CDH23: variants seen among roughly 807,000 people sequenced by gnomAD.
CDH23 encodes the protein cadherin related 23, also known as cadherin-23.
CDH23 carries 189 observed loss-of-function variants against 317.1 expected under a neutral mutation model. That is an observed-to-expected ratio of 0.60 (90% CI 0.53 to 0.67). The LOEUF (loss-of-function observed/expected upper bound fraction) is 0.67. Among genes scored for constraint, CDH23 ranks in the 30% least tolerant of loss-of-function variants. The pLI is 0.00. For missense variants in CDH23, 4,401 were observed against 4,592.4 expected (o/e 0.96, Z 1.20); for synonymous variants, 1,839 against 1,876.8 (o/e 0.98, Z 0.52).
At chr10:71,470,453 C>T (rs1851452936) in intron 3 of CDH23, among the ~76,000 whole-genome samples, 1 of 152,046 alleles carries the variant, frequency 6.6e-6, no homozygotes, top group African/African-American at 2.4e-5. Flanking sequence ...CTCCCTTCCT[C>T]CTACCCCCTA....
At chr10:71,611,835 A>G (rs766414589) in intron 9 of CDH23, among the ~76,000 whole-genome samples, 3 of 152,218 alleles carry the variant, frequency 2.0e-5, no homozygotes, top group African/African-American at 4.8e-5. Flanking sequence ...GACAATTCAT[A>G]TGAGACTGAA....
In CDH23 at chr10:71,707,302, A is replaced by T. The variant is rs963428174; in HGVS notation, c.3106+253A>T. The T allele has an allele frequency of 9.1e-6, 13 of 1,430,596 alleles. No homozygotes were observed. The African/African-American group carries it at 1.9e-4, about 21-fold the overall frequency. The allele number at this position is 1,430,596 out of a possible 1,614,324, so 88.6% of individuals were successfully genotyped here. On this transcript the variant is annotated intron_variant, in intron 26 of 69. Transcript: ENST00000224721. ...CCTGTTGGTTGCAGGGACGGGGAGC[A>T]TCTACCAAGGTTCATTCTAGAGGGA...
In CDH23 at chr10:71,715,974, G is replaced by C. The variant is rs1469740034; in HGVS notation, c.3369+3161G>C. On this transcript the variant is annotated intron_variant, in intron 28 of 69. Coordinates refer to ENST00000224721, the MANE Select transcript of CDH23 (RefSeq NM_022124.6). Reference sequence around the variant, plus strand: ...GATTCCATGTAGTCACAGTGGCTGCGGTTGTCCTCGGGGCCCGGCAGGGGC... The same window carrying C: ...GATTCCATGTAGTCACAGTGGCTGCCGTTGTCCTCGGGGCCCGGCAGGGGC... 19 of 1,488,468 alleles carry C rather than the reference G, an allele frequency of 1.3e-5. No individual in the cohort carries two copies. The East Asian group carries it at 4.7e-4, about 37-fold the overall frequency. The allele number at this position is 1,488,468 out of a possible 1,614,324, so 92.2% of individuals were successfully genotyped here. A position where few individuals can be genotyped will look rare whatever the true frequency, so the allele number is the denominator to read the frequency against.
At position 71,460,542 on chromosome 10, in the gene CDH23, G is replaced by A. The variant is rs576511543; in HGVS notation, c.145+14147G>A. 3.3e-5 allele frequency among the ~76,000 whole-genome samples: 5 copies of A among 152,370 alleles called. 1 individual carries two copies. Among genetic ancestry groups the A allele is most frequent in the Admixed American group, 6.5e-5 (1 of 15,310 alleles). On this transcript the variant is annotated intron_variant, in intron 3 of 69. Coordinates refer to ENST00000224721, the MANE Select transcript of CDH23 (RefSeq NM_022124.6). ...TATTGAGTGTTGAACCTGCTTTGCCGCATCGGCTGCTTTATGAGCTCTCTG... is the reference window on the plus strand; with the variant it reads ...TATTGAGTGTTGAACCTGCTTTGCCACATCGGCTGCTTTATGAGCTCTCTG...
At chr10:71,736,741 G>T (rs1023452010) in intron 34 of CDH23, among the ~76,000 whole-genome samples, 27 of 152,182 alleles carry the variant, frequency 1.8e-4, no homozygotes, top group African/African-American at 6.5e-4. Flanking sequence ...CACTAGGCTG[G>T]GTTCAGGTTA....
chr10:71,457,444 C>T lies in CDH23; in HGVS notation c.145+11049C>T, dbSNP rs144308357. On this transcript the variant is annotated intron_variant, in intron 3 of 69. Transcript: ENST00000224721. ...CAGTAGAGTCAGGATTTGAATTCCA[C>T]GTATTCAATCTCCAATGACCACACT... 4.7e-3 allele frequency among the ~76,000 whole-genome samples: 723 copies of T among 152,274 alleles called. 5 individuals are homozygous for T. The highest frequency in any genetic ancestry group is 0.017 in the African/African-American group (687 of 41,544).
At chr10:71,730,436 C>G in intron 30 of CDH23, 33 bp from the exon 31 acceptor site, 3 of 1,610,254 alleles carry the variant, frequency 1.9e-6, no homozygotes, top group Non-Finnish European at 2.5e-6. Flanking sequence ...TCCACCCCAC[C>G]CTGACCTTGC....
intron 25 of CDH23, among the ~76,000 whole-genome samples, chr10:71,706,378 C>T (rs1865788981): frequency 6.6e-6 from 1 of 152,208 alleles, no homozygotes; most frequent in Non-Finnish European, 1.5e-5. Context: ...CACTGTGCCA[C>T]TGTGTGACTT....
intron 66 of CDH23, 177 bp from the exon 67 acceptor site, chr10:71,812,303 G>T (rs1841959040): frequency 1.3e-6 from 2 of 1,598,596 alleles, no homozygotes; most frequent in Non-Finnish European, 1.7e-6. Context: ...TGCGGTCCTG[G>T]TTCCAGCAGG....
chr10:71,636,619 C>G (rs1230777140), intron 11 of CDH23, among the ~76,000 whole-genome samples: 2 of 152,186 alleles, frequency 1.3e-5, no homozygotes, highest in Non-Finnish European at 2.9e-5. Context: ...AGGGCCTTCC[C>G]CAGTTGCGTA....
At chr10:71,788,484 C>A (rs1281883296) in intron 44 of CDH23, among the ~76,000 whole-genome samples, 1 of 151,768 alleles carries the variant, frequency 6.6e-6, no homozygotes, top group Middle Eastern at 3.2e-3. Flanking sequence ...GAGATGGAGT[C>A]TTGCTCTGTC....
Position 71,812,805 on chromosome 10 carries a change from A to G in CDH23, c.9548A>G (p.Asp3183Gly), listed in dbSNP as rs769983111. The change falls in exon 68 of 70, where the codon GAT becomes GGT. Residue 3183 changes from aspartate to glycine, a missense_variant. This residue lies in a region of CDH23 where 1,144 missense variants were observed against 1,138.2 expected (regional missense o/e 1.01). Transcript: ENST00000224721. ...CGTGAGCCAGCAGCTGTCAAGCCTGATGATGACCGATACCTGCGGGCTGCC... is the reference window on the plus strand; with the variant it reads ...CGTGAGCCAGCAGCTGTCAAGCCTGGTGATGACCGATACCTGCGGGCTGCC... ...FGREPAAVKP[D>G]DDRYLRAAIQ... The G allele has an allele frequency of 6.2e-7, 1 of 1,613,510 alleles. No homozygotes were observed. The highest frequency in any genetic ancestry group is 2.2e-5 in the East Asian group (1 of 44,874).
In CDH23 at chr10:71,679,503, G is replaced by A. The variant is rs1185502438; in HGVS notation, c.1858+11G>A. 4 of 1,591,620 alleles carry A rather than the reference G, an allele frequency of 2.5e-6. No individual in the cohort carries two copies. The highest frequency in any genetic ancestry group is 1.7e-4 in the Middle Eastern group (1 of 6,036). Reference sequence around the variant, plus strand: ...ACGAGGGCTATGGAGGTAGGTGTGGGGCAGAACTCGGGGCCCAGCCAGGAG... The same window carrying A: ...ACGAGGGCTATGGAGGTAGGTGTGGAGCAGAACTCGGGGCCCAGCCAGGAG... On this transcript the variant is annotated intron_variant, in intron 17 of 69. Coordinates refer to ENST00000224721, the MANE Select transcript of CDH23 (RefSeq NM_022124.6).
chr10:71,541,180 C>G (rs554061743), intron 6 of CDH23, among the ~76,000 whole-genome samples: 47 of 152,312 alleles, frequency 3.1e-4, no homozygotes, highest in African/African-American at 1.1e-3. Context: ...ATAATCCCTC[C>G]TCTGGGGCGG....
chr10:71,639,760 A>G lies in CDH23; in HGVS notation c.1135-4101A>G, dbSNP rs190477567. On this transcript the variant is annotated intron_variant, in intron 11 of 69. Coordinates refer to ENST00000224721, the MANE Select transcript of CDH23 (RefSeq NM_022124.6). ...TGTCATAGCCGGGCTTCACAAATGG[A>G]AGCTGTTGTCATAAAAGGCTCAGCA... 5.9e-5 allele frequency among the ~76,000 whole-genome samples: 9 copies of G among 152,240 alleles called. No homozygotes were observed. The East Asian group carries it at 1.7e-3, about 29-fold the overall frequency.
At chr10:71,746,705 A>G (rs1462207847) in intron 38 of CDH23, among the ~76,000 whole-genome samples, 2 of 152,136 alleles carry the variant, frequency 1.3e-5, no homozygotes, top group African/African-American at 4.8e-5. Context: ...GTGGAGAGGG[A>G]GGGAGGGCCT....
chr10:71,812,049 C>T (rs755977906), intron 66 of CDH23, 34 bp downstream of exon 66: 19 of 1,613,822 alleles, frequency 1.2e-5, no homozygotes, highest in African/African-American at 1.1e-4. Context: ...CGGTCCCCTG[C>T]GGGGAGTCCT....
rs563980726 is a variant in CDH23, at chr10:71,670,111, T to C, written c.1450-5001T>C. ...TTCAGCTGCTCCTGCACATCCTCTG[T>C]GCCTGTCTCCTTCTGGGCAGGGCAG... On this transcript the variant is annotated intron_variant, in intron 14 of 69. Transcript: ENST00000224721. Among the ~76,000 whole-genome samples the C allele has an allele frequency of 3.3e-5, 5 of 152,372 alleles. No homozygotes were observed. The South Asian group carries it at 1.0e-3, about 32-fold the overall frequency.
In CDH23 at chr10:71,751,609, C is replaced by T; in HGVS notation, c.4845+9688C>T. 1 of 1,480,948 alleles carries T rather than the reference C, an allele frequency of 6.8e-7. No individual in the cohort carries two copies. Among genetic ancestry groups the T allele is most frequent in the Non-Finnish European group, 9.0e-7 (1 of 1,107,414 alleles). 91.7% of individuals were successfully genotyped at this position (1,480,948 alleles called of 1,614,324 possible). A position where few individuals can be genotyped will look rare whatever the true frequency, so the allele number is the denominator to read the frequency against. Reference sequence around the variant, plus strand: ...GGCAGGGAGTGAGGCCGATGCCCTGCAGGCCATGAGGTCATGACCTTACAG... The same window carrying T: ...GGCAGGGAGTGAGGCCGATGCCCTGTAGGCCATGAGGTCATGACCTTACAG... On this transcript the variant is annotated intron_variant, in intron 38 of 69. Coordinates refer to ENST00000224721, the MANE Select transcript of CDH23 (RefSeq NM_022124.6). The surrounding 1 kb of genome is among the most constrained non-coding windows in gnomAD (Gnocchi z 4.9).
Sources: allele counts gnomAD v4.1 joint callset (sites outside exome capture counted in the v4.1 genomes callset), GRCh38; gene constraint gnomAD v4.1.1; regional missense constraint gnomAD v4.1.1; non-coding constraint Gnocchi (gnomAD v3.1); transcripts MANE v1.5; gene names NCBI Gene and HGNC (gene_info 2026-07-23, HGNC 2026-07-21).